Variants in ANK2 observed in about 807,000 individuals in gnomAD.
ANK2 encodes ankyrin 2, also known as ankyrin-2.
ANK2 carries 83 observed loss-of-function variants against 360.5 expected under a neutral mutation model. The observed-to-expected ratio is 0.23, with a 90% confidence interval of 0.19 to 0.28. The LOEUF is 0.28. ANK2 is among the 10% of genes least tolerant of loss of function. The pLI, the probability that ANK2 is intolerant of heterozygous loss-of-function variation, is 1.00. For synonymous variants in ANK2, 1,740 were observed against 1,759.5 expected (o/e 0.99, Z 0.28); for missense variants, 4,201 against 4,795.7 (o/e 0.88, Z 3.66).
At chr4:112,731,791 A>T in the ANK2 span, among the ~76,000 whole-genome samples, 1 of 152,156 alleles carries the variant, frequency 6.6e-6, no homozygotes, top group Non-Finnish European at 1.5e-5. Flanking sequence ...TGCATGTAAT[A>T]CTCAAAGTGC....
intron 2 of ANK2, among the ~76,000 whole-genome samples, chr4:112,938,854 T>C (rs2093971526): frequency 6.6e-6 from 1 of 152,206 alleles, no homozygotes; most frequent in South Asian, 2.1e-4. Flanking sequence ...GGATGTAAAC[T>C]CCATGAAGGT....
At chr4:113,119,215 A>G (rs547394524) in intron 1 of ANK2, among the ~76,000 whole-genome samples, 1 of 152,258 alleles carries the variant, frequency 6.6e-6, no homozygotes, top group African/African-American at 2.4e-5. Flanking sequence ...AATTAGGAAA[A>G]TAAAGGCATA....
chr4:113,059,918 A>G (rs2072252603), intron 1 of ANK2, among the ~76,000 whole-genome samples: 1 of 152,154 alleles, frequency 6.6e-6, no homozygotes, highest in African/African-American at 2.4e-5. Flanking sequence ...ATCTTCATTT[A>G]GTGTCAAAGG....
intron 1 of ANK2, among the ~76,000 whole-genome samples, chr4:112,841,342 G>A (rs1032206718): frequency 1.3e-5 from 2 of 152,064 alleles, no homozygotes; most frequent in South Asian, 2.1e-4. Flanking sequence ...CATGTTATAC[G>A]TTCAGTAAAT....
At chr4:113,036,415 C>T (rs1326868081) in intron 2 of ANK2, among the ~76,000 whole-genome samples, 1 of 151,896 alleles carries the variant, frequency 6.6e-6, no homozygotes, top group Admixed American at 6.6e-5. Flanking sequence ...TGTTGTGAGT[C>T]CTGTTGTCAG....
chr4:113,313,383 A>G (rs1351418444), intron 24 of ANK2, among the ~76,000 whole-genome samples: 1 of 152,172 alleles, frequency 6.6e-6, no homozygotes, highest in African/African-American at 2.4e-5. Flanking sequence ...AGAATTTAGA[A>G]TAATACTTTC....
chr4:112,786,991 C>T, the ANK2 span, among the ~76,000 whole-genome samples: 4 of 152,016 alleles, frequency 2.6e-5, no homozygotes, highest in Admixed American at 6.6e-5. Context: ...TCAAGTGATC[C>T]GCCCACCTTG....
chr4:113,162,226 A>G (rs1468417716), intron 1 of ANK2, among the ~76,000 whole-genome samples: 1 of 150,436 alleles, frequency 6.6e-6, no homozygotes, highest in Non-Finnish European at 1.5e-5. Flanking sequence ...TTTTTTTTCT[A>G]TATATGACTA....
the ANK2 span, among the ~76,000 whole-genome samples, chr4:112,714,103 C>T: frequency 4.6e-5 from 7 of 152,158 alleles, no homozygotes; most frequent in Non-Finnish European, 7.4e-5. Context: ...TGTAGAGACA[C>T]TTCTTTGTGG....
intron 2 of ANK2, among the ~76,000 whole-genome samples, chr4:112,988,289 T>A (rs1206146253): frequency 1.3e-5 from 2 of 152,252 alleles, no homozygotes; most frequent in African/African-American, 4.8e-5. Flanking sequence ...TCAAGTATAC[T>A]CGATGGACTT....
chr4:113,176,110 C>T (rs2098187648), intron 2 of ANK2, among the ~76,000 whole-genome samples: 1 of 152,164 alleles, frequency 6.6e-6, no homozygotes, highest in African/African-American at 2.4e-5. Flanking sequence ...TTCTTTAACA[C>T]AACCCACATG....
chr4:112,997,106 A>G (rs1169683150), intron 2 of ANK2, among the ~76,000 whole-genome samples: 1 of 152,016 alleles, frequency 6.6e-6, no homozygotes, highest in Non-Finnish European at 1.5e-5. Context: ...TAGGCTTTTA[A>G]TGTCACTCTA....
chr4:112,997,069 T>C (rs2048806914), intron 2 of ANK2, among the ~76,000 whole-genome samples: 1 of 152,020 alleles, frequency 6.6e-6, no homozygotes, highest in African/African-American at 2.4e-5. Context: ...AAACTGCACA[T>C]ATGTCCCTGC....
chr4:112,992,629 A>G (rs1329722169), intron 2 of ANK2, among the ~76,000 whole-genome samples: 1 of 152,078 alleles, frequency 6.6e-6, no homozygotes, highest in Non-Finnish European at 1.5e-5. Context: ...CTAGCTTCTC[A>G]CTGTGTTCTC....
At chr4:112,933,902 GA>G (rs1168182275) in intron 2 of ANK2, among the ~76,000 whole-genome samples, 28 of 150,450 alleles carry the variant, frequency 1.9e-4, no homozygotes, top group Admixed American at 2.0e-4. Context: ...TAACCTTGTG[GA>G]ATTTTTTTTT....
intron 4 of ANK2, among the ~76,000 whole-genome samples, chr4:113,222,106 G>A (rs2099158405): frequency 1.3e-5 from 2 of 152,176 alleles, no homozygotes; most frequent in Non-Finnish European, 2.9e-5. Flanking sequence ...TAAAGATACA[G>A]TATTTGTTTC....
At chr4:112,980,902 A>G (rs1027069809) in intron 2 of ANK2, among the ~76,000 whole-genome samples, 5 of 152,236 alleles carry the variant, frequency 3.3e-5, no homozygotes, top group African/African-American at 1.2e-4. Flanking sequence ...ATGTGTAGCA[A>G]ATTGGAAGCT....
the ANK2 span, among the ~76,000 whole-genome samples, chr4:112,809,540 GAC>G: frequency 8.4e-6 from 1 of 118,856 alleles, no homozygotes; most frequent in East Asian, 3.6e-4. Flanking sequence ...CAGCCTGGGC[GAC>G]AGAGCAAGAC....
At chr4:112,965,890 A>G (rs1348633860) in intron 2 of ANK2, among the ~76,000 whole-genome samples, 1 of 151,936 alleles carries the variant, frequency 6.6e-6, no homozygotes, top group Non-Finnish European at 1.5e-5. Flanking sequence ...TATTCTAACT[A>G]TTTTATGTAT....
Sources: gnomAD v4.1 joint callset for allele counts (sites outside exome capture counted in the v4.1 genomes callset) on GRCh38, gnomAD v4.1.1 for gene constraint, MANE v1.5 for transcripts, NCBI Gene and HGNC (gene_info 2026-07-23, HGNC 2026-07-21) for gene names.